GPR39: variants seen among roughly 807,000 people sequenced by gnomAD.
GPR39 encodes the protein zinc sensing receptor.
GPR39 carries 23 observed loss-of-function variants against 18.4 expected under a neutral mutation model. The ratio of observed to expected loss-of-function variants is 1.25; its 90% CI spans 0.90 to 1.77. The LOEUF (loss-of-function observed/expected upper bound fraction) is 1.77. Ranked by LOEUF, GPR39 falls within the 40% of genes most tolerant of loss-of-function variation. The pLI, the probability that GPR39 is intolerant of heterozygous loss-of-function variation, is 0.00. For synonymous variants in GPR39, 280 were observed against 257.9 expected (o/e 1.09, Z -0.82); for missense variants, 647 against 602.4 (o/e 1.07, Z -0.78).
chr2:132,535,996 T>C (rs1354461207), intron 1 of GPR39, among the ~76,000 whole-genome samples: 1 of 115,166 alleles, frequency 8.7e-6, no homozygotes, highest in Non-Finnish European at 1.8e-5. Flanking sequence ...TCCCTCTATT[T>C]TGTTAATTTT....
intron 1 of GPR39, among the ~76,000 whole-genome samples, chr2:132,513,614 C>T (rs912619466): frequency 7.2e-5 from 11 of 152,230 alleles, no homozygotes; most frequent in Non-Finnish European, 1.2e-4. Context: ...TTGTTATTTT[C>T]GCTTTCTCTC....
rs1051224000 is a variant in GPR39 at position 132,533,466 on chromosome 2, G to T, written c.857-111635G>T. On this transcript the variant is annotated intron_variant, in intron 1 of 1. Coordinates refer to ENST00000329321, the MANE Select transcript of GPR39 (RefSeq NM_001508.3). ...ATGTCATCCCCATCAAGCTACCAAT[G>T]ACTTTCTTCACAGAATTGGAAAAAA... 6.6e-5 allele frequency among the ~76,000 whole-genome samples: 9 copies of T among 136,608 alleles called. 2 individuals are homozygous for T. Among genetic ancestry groups the T allele is most frequent in the Admixed American group, 3.1e-4 (4 of 13,098 alleles). 89.6% of individuals were successfully genotyped at this position (136,608 alleles called of 152,430 possible). A position where few individuals can be genotyped will look rare whatever the true frequency, so the allele number is the denominator to read the frequency against.
chr2:132,598,663 A>G (rs1680990009), intron 1 of GPR39, among the ~76,000 whole-genome samples: 2 of 151,956 alleles, frequency 1.3e-5, no homozygotes, highest in African/African-American at 4.8e-5. Flanking sequence ...CTAGATGGAA[A>G]AGTTCCACAA....
chr2:132,429,261 T>C (rs1680182711), intron 1 of GPR39, among the ~76,000 whole-genome samples: 1 of 152,200 alleles, frequency 6.6e-6, no homozygotes, highest in Non-Finnish European at 1.5e-5. Flanking sequence ...AGGGTGAGTC[T>C]CTCAAAAGAA....
At chr2:132,586,165 A>G (rs937016713) in intron 1 of GPR39, among the ~76,000 whole-genome samples, 15 of 152,008 alleles carry the variant, frequency 9.9e-5, no homozygotes, top group African/African-American at 3.6e-4. Context: ...GAAAGACGGT[A>G]AAGTATCTGC....
intron 1 of GPR39, among the ~76,000 whole-genome samples, chr2:132,583,695 G>A (rs576680088): frequency 2.0e-4 from 31 of 151,804 alleles, no homozygotes; most frequent in Middle Eastern, 3.4e-3. Context: ...GCTCTGTGAC[G>A]TCTGAGGCCT....
chr2:132,550,661 A>G (rs1386371370), intron 1 of GPR39, among the ~76,000 whole-genome samples: 2 of 152,242 alleles, frequency 1.3e-5, no homozygotes, highest in Non-Finnish European at 2.9e-5. Flanking sequence ...AGAATGTCAG[A>G]TCTGAAGGGG....
intron 1 of GPR39, among the ~76,000 whole-genome samples, chr2:132,516,168 T>G (rs1358847132): frequency 6.6e-6 from 1 of 152,078 alleles, no homozygotes; most frequent in African/African-American, 2.4e-5. Flanking sequence ...GGGAGGGAAA[T>G]TCTCAGCGTC....
chr2:132,476,131 A>G (rs1250725632), intron 1 of GPR39, among the ~76,000 whole-genome samples: 1 of 151,956 alleles, frequency 6.6e-6, no homozygotes, highest in African/African-American at 2.4e-5. Flanking sequence ...ACCTTTCCAC[A>G]TTCATGGATA....
At chr2:132,482,913 C>T (rs1681261826) in intron 1 of GPR39, among the ~76,000 whole-genome samples, 1 of 152,162 alleles carries the variant, frequency 6.6e-6, no homozygotes. Context: ...ACTATTTAAA[C>T]TGACCTACAG....
chr2:132,548,655 G>A (rs150737741), intron 1 of GPR39, among the ~76,000 whole-genome samples: 96 of 152,292 alleles, frequency 6.3e-4, no homozygotes, highest in Admixed American at 3.1e-3. Flanking sequence ...CTATGCCCTT[G>A]CATGTATTAC....
chr2:132,509,716 C>T (rs1202084258), intron 1 of GPR39, among the ~76,000 whole-genome samples: 1 of 152,162 alleles, frequency 6.6e-6, no homozygotes, highest in Non-Finnish European at 1.5e-5. Flanking sequence ...CTCAAAGAGA[C>T]AAAAGCCCTG....
intron 1 of GPR39, among the ~76,000 whole-genome samples, chr2:132,469,081 A>T (rs1297720496): frequency 6.6e-6 from 1 of 152,176 alleles, no homozygotes; most frequent in Middle Eastern, 3.2e-3. Flanking sequence ...GGCTTGGGAC[A>T]TGTCTCTGAG....
At chr2:132,577,434 A>T (rs1239574050) in intron 1 of GPR39, among the ~76,000 whole-genome samples, 3 of 152,178 alleles carry the variant, frequency 2.0e-5, no homozygotes, top group Non-Finnish European at 4.4e-5. Context: ...AACAACTCTT[A>T]TGTGGATTTT....
chr2:132,620,876 C>T (rs1312159661), intron 1 of GPR39, among the ~76,000 whole-genome samples: 1 of 152,182 alleles, frequency 6.6e-6, no homozygotes, highest in African/African-American at 2.4e-5. Context: ...CCTCAGCCTC[C>T]CAAGTAGCTG....
At position 132,646,108 on chromosome 2, in the gene GPR39, G is replaced by A. The variant is rs764799579; in HGVS notation, c.*502G>A. ...GGATGGTGGTGCGGAGCCCTGGCCT[G>A]AGGGCCGAGGCAGAACTTCCCCTTT... On this transcript the variant is annotated 3_prime_UTR_variant, in exon 2 of 2. Coordinates refer to ENST00000329321, the MANE Select transcript of GPR39 (RefSeq NM_001508.3). The A allele has an allele frequency of 1.1e-5, 17 of 1,608,340 alleles. No homozygotes were observed. The highest frequency in any genetic ancestry group is 1.4e-5 in the Non-Finnish European group (17 of 1,176,974).
chr2:132,473,210 T>A (rs1681065461), intron 1 of GPR39, among the ~76,000 whole-genome samples: 1 of 152,208 alleles, frequency 6.6e-6, no homozygotes, highest in African/African-American at 2.4e-5. Context: ...GGAGCAAGGA[T>A]TTCTCCTTTA....
intron 1 of GPR39, among the ~76,000 whole-genome samples, chr2:132,506,289 A>G (rs1169513683): frequency 1.3e-5 from 2 of 151,634 alleles, no homozygotes; most frequent in Non-Finnish European, 2.9e-5. Context: ...TTCTTTTTAT[A>G]TTCTGAATAT....
At chr2:132,643,147 A>C (rs1681892948) in intron 1 of GPR39, among the ~76,000 whole-genome samples, 1 of 152,202 alleles carries the variant, frequency 6.6e-6, no homozygotes, top group African/African-American at 2.4e-5. Flanking sequence ...CAGCATCTGT[A>C]ACTAGGTGAT....
Sources: gnomAD v4.1 joint callset for allele counts (sites outside exome capture counted in the v4.1 genomes callset) on GRCh38, gnomAD v4.1.1 for gene constraint, MANE v1.5 for transcripts, NCBI Gene and HGNC (gene_info 2026-07-23, HGNC 2026-07-21) for gene names.